The following FKTN variants were observed in gnomAD, a reference collection of about 807,000 sequenced individuals.
FKTN encodes the protein fukutin.
A neutral mutation model predicts 58.6 loss-of-function variants in FKTN; 47 were observed. The observed-to-expected ratio is 0.80, with a 90% CI of 0.63 to 1.02. The LOEUF is 1.02. Among genes scored for constraint, FKTN ranks in the 50% least tolerant of loss-of-function variants. FKTN has a pLI of 0.00. For synonymous variants in FKTN, 178 were observed against 191.9 expected, an observed-to-expected ratio of 0.93 and a Z score of 0.60; for missense variants, 516 against 537.3, an observed-to-expected ratio of 0.96 and a Z score of 0.39.
chr9:105,615,327 C>T lies in FKTN; in HGVS notation c.830C>T (p.Ala277Val). 6.2e-7 allele frequency: 1 copy of T among 1,613,484 alleles called. No homozygotes were observed. The part of the protein sequence containing the change: ...TVEAVAFRKS[A>V]KELLQLAAKT... ...GAAGCTGTGGCCTTTCGGAAGAGTGCAAAGGAATTACTGCAACTAGCAGCG... is the reference window on the plus strand; with the variant it reads ...GAAGCTGTGGCCTTTCGGAAGAGTGTAAAGGAATTACTGCAACTAGCAGCG... Residue 277 changes from alanine to valine, a missense_variant, in exon 8 of 11, where the codon GCA (alanine) becomes GTA (valine). Coordinates refer to ENST00000357998, the MANE Select transcript of FKTN (RefSeq NM_001079802.2).
rs562089033 is a variant in FKTN at position 105,592,172 on chromosome 9, C to T, written c.106-4426C>T. Among the ~76,000 whole-genome samples the T allele has an allele frequency of 2.4e-4, 37 of 152,360 alleles. No individual in the cohort carries two copies. The South Asian group carries it at 7.2e-3, about 30-fold the overall frequency. On this transcript the variant is annotated intron_variant, in intron 3 of 10. Transcript: ENST00000357998. Reference sequence around the variant, plus strand: ...TTCTGCAGCCTGCTTGAATTCCTCCCCTGAAAATAGACTTTTCTTTTCTAT... The same window carrying T: ...TTCTGCAGCCTGCTTGAATTCCTCCTCTGAAAATAGACTTTTCTTTTCTAT...
chr9:105,592,473 C>T (rs1845076572), intron 3 of FKTN, among the ~76,000 whole-genome samples: 1 of 152,012 alleles, frequency 6.6e-6, no homozygotes, highest in South Asian at 2.1e-4. Context: ...CCTGTCTCTA[C>T]TAAAAATACA....
At chr9:105,579,311 A>T (rs1453361591) in intron 3 of FKTN, among the ~76,000 whole-genome samples, 2 of 152,080 alleles carry the variant, frequency 1.3e-5, no homozygotes, top group Non-Finnish European at 2.9e-5. Flanking sequence ...TTAGTGCTAT[A>T]AATTTCCCTC....
At chr9:105,588,652 C>T (rs1001160812) in intron 3 of FKTN, among the ~76,000 whole-genome samples, 2 of 152,128 alleles carry the variant, frequency 1.3e-5, no homozygotes, top group Non-Finnish European at 2.9e-5. Flanking sequence ...AGTATCTAGC[C>T]TTTGTAATCT....
intron 7 of FKTN, among the ~76,000 whole-genome samples, chr9:105,614,539 G>A (rs1265575379): frequency 6.6e-6 from 1 of 152,114 alleles, no homozygotes; most frequent in African/African-American, 2.4e-5. Flanking sequence ...AAAATCTCAG[G>A]CTTTTTCTAC....
chr9:105,607,806 C>T lies in FKTN; in HGVS notation c.648-13C>T, dbSNP rs1564300589. ...CCCACCCCTCATTAATAAATCTTAA[C>T]TTTTGTTTTCAGGCCAGAGTTACAG... On this transcript the variant is annotated splice_polypyrimidine_tract_variant and intron_variant, in intron 6 of 10. Transcript: ENST00000357998. 1 of 1,587,920 alleles carries T rather than the reference C, an allele frequency of 6.3e-7. No homozygotes were observed. The highest frequency in any genetic ancestry group is 8.6e-7 in the Non-Finnish European group (1 of 1,158,766).
intron 3 of FKTN, among the ~76,000 whole-genome samples, chr9:105,596,347 T>C (rs1826798593): frequency 6.6e-6 from 1 of 152,212 alleles, no homozygotes; most frequent in Non-Finnish European, 1.5e-5. Context: ...GGTTCAGAGA[T>C]GTTGACCATG....
Position 105,639,236 on chromosome 9 carries a change from C to T in FKTN, c.*3972C>T, listed in dbSNP as rs138700428. On this transcript the variant is annotated 3_prime_UTR_variant, in exon 11 of 11. Transcript: ENST00000357998. ...AATTTCTCAAGAAAAATCCCAGCAA[C>T]GTTCCCTCTTTCCTCCTTGTCTTCC... is the stretch of plus-strand genomic sequence containing the variant. 1.5e-4 allele frequency: 146 copies of T among 985,350 alleles called. 1 individual carries two copies. The African/African-American group carries it at 2.5e-3, about 17-fold the overall frequency. 61.0% of individuals were successfully genotyped at this position (985,350 alleles called of 1,614,324 possible). A position where few individuals can be genotyped will look rare whatever the true frequency, so the allele number is the denominator to read the frequency against.
At chr9:105,599,692 C>T (rs534004721) in intron 4 of FKTN, among the ~76,000 whole-genome samples, 10 of 152,042 alleles carry the variant, frequency 6.6e-5, no homozygotes, top group Non-Finnish European at 1.0e-4. Flanking sequence ...TTAGTAGAGA[C>T]AGGGTTTCAC....
intron 1 of FKTN, among the ~76,000 whole-genome samples, chr9:105,564,273 C>A (rs1220345257): frequency 6.6e-6 from 1 of 152,208 alleles, no homozygotes; most frequent in African/African-American, 2.4e-5. Flanking sequence ...AGCTCCTCAC[C>A]AGCAATGGAA....
chr9:105,632,826 G>T (rs1833654068), intron 10 of FKTN, among the ~76,000 whole-genome samples: 1 of 152,194 alleles, frequency 6.6e-6, no homozygotes, highest in Non-Finnish European at 1.5e-5. Context: ...GCCTTAGTCT[G>T]CATTTAAACC....
chr9:105,570,286 A>G (rs970288679), intron 1 of FKTN, among the ~76,000 whole-genome samples: 4 of 152,142 alleles, frequency 2.6e-5, no homozygotes, highest in African/African-American at 9.7e-5. Flanking sequence ...CTTGATGTTA[A>G]TTCAGCCAAT....
intron 1 of FKTN, among the ~76,000 whole-genome samples, chr9:105,560,917 T>C (rs1838177932): frequency 6.6e-6 from 1 of 152,040 alleles, no homozygotes; most frequent in South Asian, 2.1e-4. Context: ...TGAAACCCTG[T>C]CTCTACTGAA....
chr9:105,601,046 C>T (rs1346093271), intron 4 of FKTN, 99 bp from the exon 5 acceptor site: 1 of 732,216 alleles, frequency 1.4e-6, no homozygotes, highest in African/African-American at 1.8e-5. Flanking sequence ...TATTGGGTAA[C>T]TACTCTGCAT....
intron 10 of FKTN, among the ~76,000 whole-genome samples, chr9:105,621,063 T>C (rs1358812518): frequency 6.6e-6 from 1 of 152,172 alleles, no homozygotes; most frequent in African/African-American, 2.4e-5. Flanking sequence ...TCAAAAGAAC[T>C]GTTCATTTCC....
chr9:105,608,006 T>G (rs1829222401), intron 7 of FKTN, 55 bp downstream of exon 7: 9 of 1,507,096 alleles, frequency 6.0e-6, no homozygotes, highest in Admixed American at 1.7e-5. Context: ...GGGATTATTT[T>G]TAATATTTGA....
Position 105,639,985 on chromosome 9 carries a change from C to T in FKTN, c.*4721C>T. 1 of 1,511,894 alleles carries T rather than the reference C, an allele frequency of 6.6e-7. No homozygotes were observed. Among genetic ancestry groups the T allele is most frequent in the Non-Finnish European group, 8.8e-7 (1 of 1,131,478 alleles). The allele number at this position is 1,511,894 out of a possible 1,614,324, so 93.7% of individuals were successfully genotyped here. A position where few individuals can be genotyped will look rare whatever the true frequency, so the allele number is the denominator to read the frequency against. ...TTGGAGAGGGAAGAAATCTGGAATA[C>T]TTAATTTCATTTAATTATCTATGCT... On this transcript the variant is annotated 3_prime_UTR_variant, in exon 11 of 11. Transcript: ENST00000357998.
At chr9:105,634,619 T>C (rs1358151963) in intron 10 of FKTN, among the ~76,000 whole-genome samples, 1 of 152,212 alleles carries the variant, frequency 6.6e-6, no homozygotes, top group Non-Finnish European at 1.5e-5. Context: ...AAATGCAACT[T>C]GGAGTCCTGC....
rs139291792 is a variant in FKTN at position 105,635,191 on chromosome 9, G to T, written c.1313G>T (p.Arg438Leu). Residue 438 changes from arginine to leucine, a missense_variant, in exon 11 of 11, where the codon CGC (arginine) becomes CTC (leucine). By Grantham distance (102) the Arg-to-Leu change is moderately radical (BLOSUM62 -2). Coordinates refer to ENST00000357998, the MANE Select transcript of FKTN (RefSeq NM_001079802.2). ...CCTGTAAAGACGTGGGACTGGAAGC[G>T]CTCTCCTCCCAATGTGCAACCCAAT... The part of the protein sequence containing the change: ...KIPVKTWDWK[R>L]SPPNVQPNGI... 3.1e-6 allele frequency: 5 copies of T among 1,614,020 alleles called. No individual in the cohort carries two copies. Among genetic ancestry groups the T allele is most frequent in the Non-Finnish European group, 4.2e-6 (5 of 1,180,010 alleles).
Sources: allele counts gnomAD v4.1 joint callset (sites outside exome capture counted in the v4.1 genomes callset), GRCh38; gene constraint gnomAD v4.1.1; transcripts MANE v1.5; gene names NCBI Gene and HGNC (gene_info 2026-07-23, HGNC 2026-07-21).